Variants in AP3D1 observed in about 807,000 individuals in gnomAD.
AP3D1 encodes AP-3 complex subunit delta-1.
AP3D1 carries 51 observed loss-of-function variants against 147.6 expected under a neutral mutation model. The ratio of observed to expected loss-of-function variants is 0.35; its 90% CI spans 0.28 to 0.44. The LOEUF (loss-of-function observed/expected upper bound fraction) is 0.44, where lower values mean the gene tolerates loss of function less well. Ranked by LOEUF, AP3D1 falls within the 20% of genes least tolerant of loss-of-function variation. AP3D1 has a pLI of 1.00. For missense variants in AP3D1, 1,421 were observed against 1,624.2 expected, an observed-to-expected ratio of 0.87 and a Z score of 2.15; for synonymous variants, 760 against 663.0, an observed-to-expected ratio of 1.15 and a Z score of -2.25.
intron 1 of AP3D1, among the ~76,000 whole-genome samples, chr19:2,144,081 C>T (rs2019294503): frequency 7.3e-6 from 1 of 136,116 alleles, no homozygotes; most frequent in Non-Finnish European, 1.7e-5. Context: ...AGTGAAACTC[C>T]GTCTCAAAAA....
At chr19:2,123,985 G>A (rs1331114351) in intron 9 of AP3D1, 106 bp from the exon 10 acceptor site, 31 of 1,267,894 alleles carry the variant, frequency 2.4e-5, no homozygotes, top group South Asian at 1.5e-4. Context: ...GGAGGGATGG[G>A]AGGGAGGACA....
intron 1 of AP3D1, among the ~76,000 whole-genome samples, chr19:2,161,191 T>C (rs1420771983): frequency 2.0e-5 from 3 of 149,838 alleles, no homozygotes; most frequent in South Asian, 2.2e-4. Flanking sequence ...GACAGAGTCT[T>C]GCTCTTGTTG....
intron 5 of AP3D1, among the ~76,000 whole-genome samples, chr19:2,131,667 C>T (rs1395516358): frequency 4.6e-5 from 4 of 86,612 alleles, no homozygotes; most frequent in Non-Finnish European, 2.8e-5. Context: ...CAGGCAGCCA[C>T]GCGGGGACTG....
chr19:2,108,233 C>G (rs1465030246), intron 31 of AP3D1, among the ~76,000 whole-genome samples: 1 of 152,200 alleles, frequency 6.6e-6, no homozygotes. Flanking sequence ...GACACAAAAG[C>G]CCTCAACAAA....
intron 26 of AP3D1, 61 bp downstream of exon 26, chr19:2,111,224 C>G: frequency 6.3e-7 from 1 of 1,599,496 alleles, no homozygotes; most frequent in Non-Finnish European, 8.6e-7. Flanking sequence ...GGGTTCCGCG[C>G]GATCCCATGC....
chr19:2,112,223 G>A (rs1434240236), intron 24 of AP3D1: 5 of 237,858 alleles, frequency 2.1e-5, no homozygotes, highest in Non-Finnish European at 4.1e-5. Context: ...AAGGGGAAGC[G>A]GCCCAAGTGG....
In AP3D1 at chr19:2,105,889, C is replaced by T. The variant is rs12985176; in HGVS notation, c.3552+2798G>A. Among the ~76,000 whole-genome samples, 934 of 151,982 alleles carry T rather than the reference C, an allele frequency of 6.1e-3. 7 individuals are homozygous for T. Among genetic ancestry groups the T allele is most frequent in the East Asian group, 0.029 (151 of 5,122 alleles). ...GGCAGGCGGATCAGGAGTTTGAGAC[C>T]AGCCTGACCAACATGGTGAAACCCT... is the stretch of plus-strand genomic sequence containing the variant. On this transcript the variant is annotated intron_variant, in intron 31 of 31. Coordinates refer to ENST00000643116, the MANE Select transcript of AP3D1 (RefSeq NM_001261826.3).
chr19:2,139,912 A>C (rs1204083069), intron 1 of AP3D1, among the ~76,000 whole-genome samples: 1 of 141,562 alleles, frequency 7.1e-6, no homozygotes, highest in Non-Finnish European at 1.6e-5. Flanking sequence ...CCACACCCCA[A>C]CCTCGGCTGC....
rs1404098965 is a variant in AP3D1 at position 2,101,432 on chromosome 19, A to G, written c.*741T>C. The G allele has an allele frequency of 6.7e-6, 1 of 148,830 alleles. No individual in the cohort carries two copies. Among genetic ancestry groups the G allele is most frequent in the East Asian group, 2.0e-4 (1 of 5,042 alleles). The allele number at this position is 148,830 out of a possible 1,614,324, so 9.2% of individuals were successfully genotyped here. ...AGGATGTGGGGAAACCTTGGTGCGC[A>G]TAGTGGCAAGCAGGGGATGCGGACC... On this transcript the variant is annotated 3_prime_UTR_variant, in exon 32 of 32. Coordinates refer to ENST00000643116, the MANE Select transcript of AP3D1 (RefSeq NM_001261826.3).
At chr19:2,123,117 T>A (rs1033679168) in intron 11 of AP3D1, among the ~76,000 whole-genome samples, 1 of 152,204 alleles carries the variant, frequency 6.6e-6, no homozygotes, top group Non-Finnish European at 1.5e-5. Context: ...GCCCCCTGCA[T>A]CTCCCCTGGG....
In AP3D1 at chr19:2,117,488, T is replaced by C. The variant is rs888122398; in HGVS notation, c.1714-121A>G. On this transcript the variant is annotated intron_variant, in intron 15 of 31. Transcript: ENST00000643116. The stretch of plus-strand genomic sequence containing the variant: ...GTGTGGGCCCCCTGGTACAGCCACA[T>C]AGCCACAGAGAGCCCAGCCTTCATG... The C allele has an allele frequency of 7.2e-6, 8 of 1,118,204 alleles. No individual in the cohort carries two copies. In the Admixed American group the frequency reaches 9.4e-5, roughly 13 times the overall value. 69.3% of individuals were successfully genotyped at this position (1,118,204 alleles called of 1,614,324 possible). A position where few individuals can be genotyped will look rare whatever the true frequency, so the allele number is the denominator to read the frequency against.
At chr19:2,155,360 C>CAA (rs112377403), upstream of AP3D1, among the ~76,000 whole-genome samples, 7 of 137,980 alleles carry the variant, frequency 5.1e-5, no homozygotes, top group African/African-American at 1.6e-4. Flanking sequence ...GACTCCATCT[C>CAA]AAAAAAAAAA....
chr19:2,127,455 C>T lies in AP3D1; in HGVS notation c.807-254G>A, dbSNP rs149304616. The stretch of plus-strand genomic sequence containing the variant: ...ACAGCATCCACGCAGGGACGGACCA[C>T]GCACCCCCGGCGGCCTGTGAGATGG... On this transcript the variant is annotated intron_variant, in intron 8 of 31. Coordinates refer to ENST00000643116, the MANE Select transcript of AP3D1 (RefSeq NM_001261826.3). 2.5e-3 allele frequency among the ~76,000 whole-genome samples: 382 copies of T among 152,336 alleles called. 1 individual carries two copies. Among genetic ancestry groups the T allele is most frequent in the African/African-American group, 8.8e-3 (365 of 41,574 alleles).
At chr19:2,117,140 G>A (rs1372296870) in intron 16 of AP3D1, 82 bp downstream of exon 16, 2 of 1,485,418 alleles carry the variant, frequency 1.3e-6, no homozygotes, top group Non-Finnish European at 1.8e-6. Context: ...GTTCAGGGGT[G>A]CAGGAGCCCC....
chr19:2,155,203 A>G (rs375176087), upstream of AP3D1, among the ~76,000 whole-genome samples: 31 of 150,824 alleles, frequency 2.1e-4, no homozygotes, highest in East Asian at 9.8e-4. Flanking sequence ...TAAAAATAAA[A>G]AAACAAAATT....
chr19:2,111,796 C>T lies in AP3D1; in HGVS notation c.2820G>A (p.Arg940=). Reference sequence around the variant, plus strand: ...CTTTGGTCCGCTCCTCCTTCTCCTTCCTGTGCTTCTTCTTCTTAGGCTTGG... The same window carrying T: ...CTTTGGTCCGCTCCTCCTTCTCCTTTCTGTGCTTCTTCTTCTTAGGCTTGG... ...KSPKPKKKKH[R]KEKEERTKGK... is the part of the protein sequence containing the mutation. Residue 940 remains arginine, a synonymous_variant, in exon 25 of 32, where the codon AGG becomes AGA. Coordinates refer to ENST00000643116, the MANE Select transcript of AP3D1 (RefSeq NM_001261826.3). 5 of 1,614,016 alleles carry T rather than the reference C, an allele frequency of 3.1e-6. No individual in the cohort carries two copies. The highest frequency in any genetic ancestry group is 4.2e-6 in the Non-Finnish European group (5 of 1,179,976).
chr19:2,111,468 T>C, intron 25 of AP3D1, 136 bp from the exon 26 acceptor site: 1 of 1,276,156 alleles, frequency 7.8e-7, no homozygotes, highest in South Asian at 1.4e-5. Flanking sequence ...AAGGAGCCGA[T>C]GAGGGATCCC....
In AP3D1 at chr19:2,115,527, G is replaced by A; in HGVS notation, c.2149+11C>T. ...TGACAAATGCGGCGCCGACACACCG[G>A]AGACACTTGCCTGGAACCTTCAAGG... On this transcript the variant is annotated intron_variant, in intron 19 of 31. Coordinates refer to ENST00000643116, the MANE Select transcript of AP3D1 (RefSeq NM_001261826.3). 13 of 1,612,840 alleles carry A rather than the reference G, an allele frequency of 8.1e-6. No homozygotes were observed. Among genetic ancestry groups the A allele is most frequent in the Non-Finnish European group, 1.1e-5 (13 of 1,179,604 alleles).
At chr19:2,104,073 AAGACACCAACACCC>A (rs1246127179) in intron 31 of AP3D1, among the ~76,000 whole-genome samples, 3 of 149,964 alleles carry the variant, frequency 2.0e-5, no homozygotes, top group African/African-American at 7.3e-5. Flanking sequence ...CACCAACACC[AAGACACCAACACCC>A]AGACCCCAAC....
Sources: allele counts gnomAD v4.1 joint callset (sites outside exome capture counted in the v4.1 genomes callset), GRCh38; gene constraint gnomAD v4.1.1; transcripts MANE v1.5; gene names NCBI Gene and HGNC (gene_info 2026-07-23, HGNC 2026-07-21).